B4GALNT3: variants seen among roughly 807,000 people sequenced by gnomAD.
B4GALNT3 encodes the protein beta-1,4-N-acetyl-galactosaminyltransferase 3.
B4GALNT3 carries 86 observed loss-of-function variants against 120.2 expected under a neutral mutation model. That is an observed-to-expected ratio of 0.72 (90% confidence interval 0.60 to 0.86). The LOEUF is 0.86. Among genes scored for constraint, B4GALNT3 ranks in the 40% least tolerant of loss-of-function variants. The pLI, the probability that B4GALNT3 is intolerant of heterozygous loss-of-function variation, is 0.00. For synonymous variants in B4GALNT3, 518 were observed against 510.4 expected, an observed-to-expected ratio of 1.01 and a Z score of -0.20; for missense variants, 1,167 against 1,298.9, an observed-to-expected ratio of 0.90 and a Z score of 1.56.
At position 540,950 on chromosome 12, in the gene B4GALNT3, A is replaced by C. The variant is rs539177550; in HGVS notation, c.352-3389A>C. Among the ~76,000 whole-genome samples the C allele has an allele frequency of 2.4e-4, 36 of 152,148 alleles. No individual in the cohort carries two copies. In the East Asian group the frequency reaches 4.4e-3, roughly 19 times the overall value. On this transcript the variant is annotated intron_variant, in intron 3 of 19. Coordinates refer to ENST00000266383, the MANE Select transcript of B4GALNT3 (RefSeq NM_173593.4). Reference sequence around the variant, plus strand: ...AGTAGAGATGGGGTTTCACCATGTTAGCCAGGATGGTCTCGATCTCCTGAC... The same window carrying C: ...AGTAGAGATGGGGTTTCACCATGTTCGCCAGGATGGTCTCGATCTCCTGAC...
chr12:465,351 C>G (rs73590332), intron 1 of B4GALNT3, among the ~76,000 whole-genome samples: 12,303 of 152,200 alleles, frequency 0.081, 516 homozygotes, highest in Middle Eastern at 0.15. Context: ...AATGTGTCAG[C>G]TCTGAATTTC....
At position 559,278 on chromosome 12, in the gene B4GALNT3, C is replaced by G; in HGVS notation, c.2762-17C>G. ...GGCCTCTGGCTCATCTCACCCGAAG[C>G]TCCTGTCTGTCCACAGGCTACTGGG... is the stretch of plus-strand genomic sequence containing the variant. On this transcript the variant is annotated splice_polypyrimidine_tract_variant and intron_variant, in intron 18 of 19. Transcript: ENST00000266383. The G allele has an allele frequency of 6.2e-7, 1 of 1,613,790 alleles. No homozygotes were observed. Among genetic ancestry groups the G allele is most frequent in the Non-Finnish European group, 8.5e-7 (1 of 1,179,762 alleles).
intron 7 of B4GALNT3, among the ~76,000 whole-genome samples, chr12:547,757 CT>C (rs1555158674): frequency 6.6e-6 from 1 of 152,188 alleles, no homozygotes; most frequent in Non-Finnish European, 1.5e-5. Flanking sequence ...TCTCTGAGCT[CT>C]AACGGCTTCT....
At chr12:471,237 T>C (rs1170925134) in intron 1 of B4GALNT3, among the ~76,000 whole-genome samples, 1 of 149,710 alleles carries the variant, frequency 6.7e-6, no homozygotes, top group African/African-American at 2.5e-5. Flanking sequence ...ATACAAAAAT[T>C]AGCTGGACGT....
Position 561,667 on chromosome 12 carries a change from G to A in B4GALNT3, c.*216G>A. The A allele has an allele frequency of 1.8e-6, 1 of 555,548 alleles. No individual in the cohort carries two copies. The highest frequency in any genetic ancestry group is 3.2e-6 in the Non-Finnish European group (1 of 309,752). The allele number at this position is 555,548 out of a possible 1,614,324, so 34.4% of individuals were successfully genotyped here. ...GGGCCTTCAGAAGGGAGGACTTTGA[G>A]AGAGAGGCCAGGAGGGACCACTTGC... On this transcript the variant is annotated 3_prime_UTR_variant, in exon 20 of 20. Transcript: ENST00000266383.
chr12:475,893 G>A (rs925889406), intron 1 of B4GALNT3, among the ~76,000 whole-genome samples: 1 of 152,200 alleles, frequency 6.6e-6, no homozygotes, highest in African/African-American at 2.4e-5. Flanking sequence ...CTTGGAAGAG[G>A]CAGGCAGTTC....
intron 4 of B4GALNT3, 142 bp downstream of exon 4, chr12:544,576 A>G: frequency 1.3e-6 from 1 of 772,400 alleles, no homozygotes; most frequent in Non-Finnish European, 2.1e-6. Context: ...TGCCCATAAT[A>G]GTTCCCTTGT....
intron 1 of B4GALNT3, among the ~76,000 whole-genome samples, chr12:486,542 G>A (rs1946292732): frequency 1.3e-5 from 2 of 152,232 alleles, no homozygotes; most frequent in South Asian, 4.1e-4. Flanking sequence ...GCCCTCAGGG[G>A]AAACTATTTT....
chr12:549,827 C>G lies in B4GALNT3; in HGVS notation c.912C>G (p.His304Gln), dbSNP rs73592377. 1.9e-6 allele frequency: 3 copies of G among 1,613,650 alleles called. No homozygotes were observed. The highest frequency in any genetic ancestry group is 2.5e-6 in the Non-Finnish European group (3 of 1,180,018). ...ACATCCCACAGACAGCAGCCAGCCA[C>G]GTGGACTCCTCCAACGCTCTTCCCA... Reference protein sequence around the residue: ...VGHIPQTAASHVDSSNALPRD... With the variant: ...VGHIPQTAASQVDSSNALPRD... The change falls in exon 10 of 20, where the codon CAC becomes CAG. Residue 304 changes from histidine to glutamine, a missense_variant. By Grantham distance (24) the His-to-Gln change is conservative. Coordinates refer to ENST00000266383, the MANE Select transcript of B4GALNT3 (RefSeq NM_173593.4).
chr12:550,825 C>T lies in B4GALNT3; in HGVS notation c.998-97C>T. The T allele has an allele frequency of 1.0e-6, 1 of 997,704 alleles. No individual in the cohort carries two copies. The allele number at this position is 997,704 out of a possible 1,614,324, so 61.8% of individuals were successfully genotyped here. Reference sequence around the variant, plus strand: ...AGACGTCGGCAGAACACAGCTGCCGCTTGCGAATACAGAAAGGGCCCTGCT... The same window carrying T: ...AGACGTCGGCAGAACACAGCTGCCGTTTGCGAATACAGAAAGGGCCCTGCT... On this transcript the variant is annotated intron_variant, in intron 10 of 19. Transcript: ENST00000266383. The surrounding 1 kb of genome is among the most constrained non-coding windows in gnomAD (Gnocchi z 4.1).
intron 1 of B4GALNT3, among the ~76,000 whole-genome samples, chr12:497,987 C>G (rs1279164970): frequency 6.6e-6 from 1 of 152,100 alleles, no homozygotes; most frequent in Non-Finnish European, 1.5e-5. Flanking sequence ...CTGATGCCTC[C>G]CCACCCACAG....
chr12:487,167 A>G (rs141932920), intron 1 of B4GALNT3, among the ~76,000 whole-genome samples: 11 of 152,352 alleles, frequency 7.2e-5, no homozygotes, highest in African/African-American at 2.2e-4. Flanking sequence ...AGACAAAAAC[A>G]TAACAGAATA....
rs200885614 is a variant in B4GALNT3, at chr12:550,894, C to T, written c.998-28C>T. 1.0e-5 allele frequency: 16 copies of T among 1,559,154 alleles called. No individual in the cohort carries two copies. Among genetic ancestry groups the T allele is most frequent in the Admixed American group, 8.4e-5 (5 of 59,768 alleles). ...CCCCAGTTTCGTGCTCACCCTCACC[C>T]TCACTCCTCCTCCTCCACTGTCCTC... is the stretch of plus-strand genomic sequence containing the variant. On this transcript the variant is annotated intron_variant, in intron 10 of 19. Transcript: ENST00000266383. This position sits in a 1 kb window ranked among gnomAD's most constrained non-coding sequence, Gnocchi z 4.1.
chr12:504,312 C>CA (rs201713327), intron 1 of B4GALNT3, among the ~76,000 whole-genome samples: 7,306 of 111,648 alleles, frequency 0.065, 412 homozygotes, highest in African/African-American at 0.16. Flanking sequence ...CACAATTTTT[C>CA]AAAAAAAAAA....
intron 1 of B4GALNT3, among the ~76,000 whole-genome samples, chr12:513,351 C>T (rs150596080): frequency 1.3e-5 from 2 of 152,268 alleles, no homozygotes; most frequent in Admixed American, 1.3e-4. Context: ...CTGAAGGCTG[C>T]TGGTTGCCCA....
intron 1 of B4GALNT3, among the ~76,000 whole-genome samples, chr12:525,412 AAC>A (rs1484337472): frequency 2.0e-5 from 3 of 152,152 alleles, no homozygotes; most frequent in Non-Finnish European, 4.4e-5. Flanking sequence ...CTCGGCCAAT[AAC>A]ACAATTGTCA....
At chr12:487,657 G>A (rs1467662263) in intron 1 of B4GALNT3, among the ~76,000 whole-genome samples, 1 of 151,426 alleles carries the variant, frequency 6.6e-6, no homozygotes, top group Non-Finnish European at 1.5e-5. Flanking sequence ...AGGTTGCAGT[G>A]AGCCGAGATC....
intron 12 of B4GALNT3, 133 bp from the exon 13 acceptor site, chr12:552,329 ACACAC>A (rs1340422845): frequency 1.2e-6 from 1 of 839,884 alleles, no homozygotes; most frequent in Non-Finnish European, 1.9e-6. Flanking sequence ...ACACACACAC[ACACAC>A]ACCCGCTCAC....
At position 504,443 on chromosome 12, in the gene B4GALNT3, G is replaced by A. The variant is rs1216717042; in HGVS notation, c.170-30723G>A. Among the ~76,000 whole-genome samples, 8 of 131,730 alleles carry A rather than the reference G, an allele frequency of 6.1e-5. 1 individual carries two copies. In the East Asian group the frequency reaches 7.8e-4, roughly 13 times the overall value. The allele number at this position is 131,730 out of a possible 152,430, so 86.4% of individuals were successfully genotyped here. A position where few individuals can be genotyped will look rare whatever the true frequency, so the allele number is the denominator to read the frequency against. Reference sequence around the variant, plus strand: ...AAATCCAGCCTCCTCTCTCCACCCCGCAGCCGCCCCCCCGCCCCCGAACTC... The same window carrying A: ...AAATCCAGCCTCCTCTCTCCACCCCACAGCCGCCCCCCCGCCCCCGAACTC... On this transcript the variant is annotated intron_variant, in intron 1 of 19. Coordinates refer to ENST00000266383, the MANE Select transcript of B4GALNT3 (RefSeq NM_173593.4).
Sources: gnomAD v4.1 joint callset for allele counts (sites outside exome capture counted in the v4.1 genomes callset) on GRCh38, gnomAD v4.1.1 for gene constraint, Gnocchi (gnomAD v3.1) non-coding constraint, MANE v1.5 for transcripts, NCBI Gene and HGNC (gene_info 2026-07-23, HGNC 2026-07-21) for gene names.